Variants in GPC3 observed in about 807,000 individuals in gnomAD.
GPC3 encodes glypican-3.
In GPC3, 3 loss-of-function variants were observed where a neutral mutation model predicts 34.4. That is an observed-to-expected ratio of 0.09 (90% CI 0.04 to 0.23). The LOEUF is 0.23. GPC3 is among the 10% of genes least tolerant of loss of function. The pLI is 1.00. For missense variants in GPC3, 351 were observed against 445.6 expected (o/e 0.79, Z 1.91); for synonymous variants, 177 against 174.0 (o/e 1.02, Z -0.13).
chrX:133,841,748 T>G (rs928140350), intron 2 of GPC3, among the ~76,000 whole-genome samples: 10 of 111,682 alleles, frequency 9.0e-5, no homozygotes, highest in African/African-American at 2.9e-4. Flanking sequence ...CAAAAGAGAT[T>G]AATATTTGAA....
intron 3 of GPC3, among the ~76,000 whole-genome samples, chrX:133,739,313 G>A (rs1016526487): frequency 4.5e-5 from 5 of 111,751 alleles, no homozygotes; most frequent in Non-Finnish European, 9.4e-5. Flanking sequence ...CCCCAAAGAT[G>A]AGTGCCTCCA....
At position 133,789,314 on chromosome X, in the gene GPC3, T is replaced by C. The variant is rs2072138090; in HGVS notation, c.338-35138A>G. On this transcript the variant is annotated intron_variant, in intron 2 of 7. Transcript: ENST00000370818. ...CTGGAAGCATTACCCAGTGAGTTAGTTAAATCATCTATATGTGCAATGGCA... is the reference window on the plus strand; with the variant it reads ...CTGGAAGCATTACCCAGTGAGTTAGCTAAATCATCTATATGTGCAATGGCA... Among the ~76,000 whole-genome samples, 3 of 111,862 alleles carry C rather than the reference T, an allele frequency of 2.7e-5. No homozygotes were observed. The Admixed American group carries it at 2.8e-4, about 11-fold the overall frequency.
rs1480873692 is a variant in GPC3, at chrX:133,625,615, T to G, written c.1414-29016A>C. 8.0e-5 allele frequency among the ~76,000 whole-genome samples: 9 copies of G among 111,804 alleles called. No individual in the cohort carries two copies. In the East Asian group the frequency reaches 1.7e-3, roughly 21 times the overall value. On this transcript the variant is annotated intron_variant, in intron 6 of 7. Coordinates refer to ENST00000370818, the MANE Select transcript of GPC3 (RefSeq NM_004484.4). Reference sequence around the variant, plus strand: ...CTAGGAATCCAACTTCCAAGGGATGTGAAGGACCTCTTCAAGGAGAACTAC... The same window carrying G: ...CTAGGAATCCAACTTCCAAGGGATGGGAAGGACCTCTTCAAGGAGAACTAC...
At chrX:133,793,873 CAGG>C (rs760176961) in intron 2 of GPC3, among the ~76,000 whole-genome samples, 2 of 111,758 alleles carry the variant, frequency 1.8e-5, no homozygotes, top group African/African-American at 6.5e-5. Context: ...TTTAAACCCT[CAGG>C]AGGTGAAAAG....
intron 2 of GPC3, among the ~76,000 whole-genome samples, chrX:133,850,988 C>T (rs1191191944): frequency 1.8e-5 from 2 of 110,184 alleles, no homozygotes; most frequent in African/African-American, 6.6e-5. Flanking sequence ...CCTATTGTCC[C>T]AGCTACTCGG....
chrX:133,862,156 G>C (rs1325525152), intron 2 of GPC3, among the ~76,000 whole-genome samples: 1 of 109,448 alleles, frequency 9.1e-6, no homozygotes, highest in Non-Finnish European at 1.9e-5. Context: ...TATTTACTAA[G>C]TCATACCTGT....
intron 2 of GPC3, among the ~76,000 whole-genome samples, chrX:133,872,316 C>A (rs1282058498): frequency 9.0e-6 from 1 of 111,094 alleles, no homozygotes; most frequent in Non-Finnish European, 1.9e-5. Context: ...AATAAAACTT[C>A]TTGTAGAAGA....
chrX:133,753,197 G>A (rs1465619439), intron 3 of GPC3, among the ~76,000 whole-genome samples: 1 of 112,043 alleles, frequency 8.9e-6, no homozygotes, highest in Non-Finnish European at 1.9e-5. Context: ...CATTCCCTAT[G>A]AAGACGATAT....
At chrX:133,744,168 C>A (rs1429827738) in intron 3 of GPC3, among the ~76,000 whole-genome samples, 2 of 111,837 alleles carry the variant, frequency 1.8e-5, no homozygotes, top group Non-Finnish European at 3.8e-5. Context: ...CATATGGGAT[C>A]TAATTAAACT....
intron 7 of GPC3, among the ~76,000 whole-genome samples, chrX:133,570,750 C>A (rs1335385173): frequency 8.9e-6 from 1 of 111,746 alleles, no homozygotes; most frequent in Non-Finnish European, 1.9e-5. Context: ...TGGTCTTTGG[C>A]CCCATGACCA....
intron 1 of GPC3, among the ~76,000 whole-genome samples, chrX:133,971,837 A>C (rs2076495259): frequency 9.0e-6 from 1 of 111,365 alleles, no homozygotes; most frequent in Non-Finnish European, 1.9e-5. Flanking sequence ...AGAGTAACCT[A>C]GGCTACTTCT....
At chrX:133,930,853 G>C (rs1468991809) in intron 2 of GPC3, among the ~76,000 whole-genome samples, 1 of 111,789 alleles carries the variant, frequency 8.9e-6, no homozygotes, top group Non-Finnish European at 1.9e-5. Context: ...GGCCAGGATG[G>C]TCTCAATCTC....
At chrX:133,957,661 A>G (rs190167087) in intron 1 of GPC3, among the ~76,000 whole-genome samples, 148 of 112,105 alleles carry the variant, frequency 1.3e-3, no homozygotes, top group Admixed American at 8.9e-3. Flanking sequence ...TTGCATGAAT[A>G]AAAGCAGAAA....
chrX:133,668,805 C>T (rs151305057), intron 5 of GPC3, among the ~76,000 whole-genome samples: 4,422 of 111,575 alleles, frequency 0.04, 218 homozygotes, highest in African/African-American at 0.14. Flanking sequence ...CCATCTCCAG[C>T]TGTGTGGGTT....
chrX:133,632,305 G>A (rs1481638187), intron 6 of GPC3, among the ~76,000 whole-genome samples: 1 of 110,354 alleles, frequency 9.1e-6, no homozygotes, highest in East Asian at 2.8e-4. Flanking sequence ...TCGCCATGTT[G>A]GCCAGGTTGG....
At chrX:133,710,792 A>T (rs986007957) in intron 3 of GPC3, among the ~76,000 whole-genome samples, 1 of 112,124 alleles carries the variant, frequency 8.9e-6, no homozygotes, top group Non-Finnish European at 1.9e-5. Context: ...TATGTAGAAG[A>T]GACTTATATT....
intron 2 of GPC3, among the ~76,000 whole-genome samples, chrX:133,930,203 G>A (rs2076292479): frequency 8.9e-6 from 1 of 111,778 alleles, no homozygotes; most frequent in African/African-American, 3.2e-5. Context: ...AATGGAAGAT[G>A]AATTTGAGCT....
chrX:133,648,204 G>A (rs1444690912), intron 6 of GPC3, among the ~76,000 whole-genome samples: 1 of 111,345 alleles, frequency 9.0e-6, no homozygotes, highest in African/African-American at 3.3e-5. Flanking sequence ...ATACGGCTCA[G>A]GACAGCAGTG....
At chrX:133,731,836 G>A (rs906502208) in intron 3 of GPC3, among the ~76,000 whole-genome samples, 2 of 112,691 alleles carry the variant, frequency 1.8e-5, no homozygotes, top group African/African-American at 6.4e-5. Context: ...TGATAGGTTT[G>A]TTTCCTTTTT....
Sources: gnomAD v4.1 joint callset for allele counts (sites outside exome capture counted in the v4.1 genomes callset) on GRCh38, gnomAD v4.1.1 for gene constraint, MANE v1.5 for transcripts, NCBI Gene and HGNC (gene_info 2026-07-23, HGNC 2026-07-21) for gene names.